Variants in NEBL observed in about 807,000 individuals in gnomAD.
The protein encoded by NEBL is LIM and SH3 protein 2.
NEBL carries 122 observed loss-of-function variants against 140.2 expected under a neutral mutation model. That is an observed-to-expected ratio of 0.87 (90% confidence interval 0.75 to 1.01). NEBL has a LOEUF of 1.01. Ranked by LOEUF, NEBL falls within the 50% of genes least tolerant of loss-of-function variation. The probability of loss-of-function intolerance (pLI) is 0.00; values close to 1 mark genes in which losing one functional copy is unlikely to be tolerated. For missense variants in NEBL, 1,365 were observed against 1,231.3 expected (o/e 1.11, Z -1.62); for synonymous variants, 436 against 398.9 (o/e 1.09, Z -1.11).
chr10:21,251,833 G>A (rs895794251), intron 1 of NEBL, among the ~76,000 whole-genome samples: 22 of 152,158 alleles, frequency 1.4e-4, no homozygotes, highest in Admixed American at 1.1e-3. Context: ...CAAGAACTGT[G>A]AGGAATAAAT....
rs1843304810 is a variant in NEBL at position 20,858,330 on chromosome 10, T to C, written c.813A>G (p.Lys271=). 2 of 1,598,298 alleles carry C rather than the reference T, an allele frequency of 1.3e-6. No individual in the cohort carries two copies. The highest frequency in any genetic ancestry group is 1.1e-5 in the South Asian group (1 of 90,746). ...CTGGATCATGCATATTTTGAATGTC[T>C]TTCTTGTACTTCACCTATGAAAATA... ...ATLASNVKYK[K]DIQNMHDPVS... is the part of the protein sequence containing the mutation. Residue 271 remains lysine (K), a synonymous_variant, in exon 9 of 28, where the codon AAA becomes AAG. Coordinates refer to ENST00000377122, the MANE Select transcript of NEBL (RefSeq NM_006393.3).
chr10:21,045,206 G>A (rs1355648658), intron 2 of NEBL, among the ~76,000 whole-genome samples: 1 of 152,116 alleles, frequency 6.6e-6, no homozygotes, highest in Non-Finnish European at 1.5e-5. Flanking sequence ...TGAATTGTAG[G>A]AAATACTAAA....
At chr10:21,158,634 G>A (rs955014525) in intron 2 of NEBL, among the ~76,000 whole-genome samples, 1 of 152,088 alleles carries the variant, frequency 6.6e-6, no homozygotes, top group Non-Finnish European at 1.5e-5. Context: ...TCAGTTCCAG[G>A]ACCACATCTA....
At chr10:21,031,764 C>A (rs1233300650) in intron 2 of NEBL, among the ~76,000 whole-genome samples, 1 of 152,114 alleles carries the variant, frequency 6.6e-6, no homozygotes, top group African/African-American at 2.4e-5. Context: ...GACCTGAACC[C>A]CCAAAAGTCA....
At chr10:20,910,235 C>T (rs1024187053) in intron 4 of NEBL, among the ~76,000 whole-genome samples, 5 of 152,114 alleles carry the variant, frequency 3.3e-5, no homozygotes, top group African/African-American at 7.2e-5. Flanking sequence ...AAGGTTCATA[C>T]AAAAGCAGTA....
intron 1 of NEBL, among the ~76,000 whole-genome samples, chr10:21,288,820 G>GTGTATATA (rs1477748950): frequency 1.1e-4 from 4 of 35,024 alleles, no homozygotes; most frequent in Admixed American, 5.5e-4. Context: ...GTGTGTGTGT[G>GTGTATATA]TATATATATA....
chr10:20,996,734 G>T (rs75564309), intron 3 of NEBL, among the ~76,000 whole-genome samples: 5,799 of 152,236 alleles, frequency 0.038, 124 homozygotes, highest in Middle Eastern at 0.054. Flanking sequence ...CATATGGACT[G>T]CCTAAAAACA....
chr10:20,857,121 C>A (rs1588835009), intron 9 of NEBL, among the ~76,000 whole-genome samples: 1 of 151,958 alleles, frequency 6.6e-6, no homozygotes, highest in South Asian at 2.1e-4. Context: ...CCATGCCCAG[C>A]CAGAAAAAAA....
In NEBL at chr10:21,262,152, C is replaced by T. The variant is rs372933634; in HGVS notation, n.183-10324G>A. On this transcript the variant is annotated intron_variant and non_coding_transcript_variant, in intron 1 of 8. Transcript: ENST00000675702. ...GGCTTAGCTGGCAAATTGCGAGGGC[C>T]TCGATAGGAGATTCAAAACTCAACA... 5.9e-4 allele frequency among the ~76,000 whole-genome samples: 90 copies of T among 152,260 alleles called. 1 individual carries two copies. The highest frequency in any genetic ancestry group is 2.1e-3 in the African/African-American group (88 of 41,548).
At chr10:21,242,433 C>T (rs529936684) in intron 3 of NEBL, among the ~76,000 whole-genome samples, 4 of 152,108 alleles carry the variant, frequency 2.6e-5, no homozygotes, top group Middle Eastern at 3.4e-3. Context: ...TACACGGACA[C>T]AAAGAAGGGA....
intron 2 of NEBL, among the ~76,000 whole-genome samples, chr10:21,031,932 A>G (rs1833816353): frequency 6.6e-6 from 1 of 152,260 alleles, no homozygotes; most frequent in Non-Finnish European, 1.5e-5. Flanking sequence ...AAAGCAAAAC[A>G]GCCTATTATA....
At chr10:21,043,449 T>C (rs1196872839) in intron 2 of NEBL, among the ~76,000 whole-genome samples, 2 of 152,214 alleles carry the variant, frequency 1.3e-5, no homozygotes, top group African/African-American at 4.8e-5. Context: ...AATGCTAAAC[T>C]TTCTCATTTA....
intron 4 of NEBL, among the ~76,000 whole-genome samples, chr10:20,953,285 C>T (rs1835593972): frequency 6.6e-6 from 1 of 152,158 alleles, no homozygotes; most frequent in South Asian, 2.1e-4. Context: ...CTCTCTTGCT[C>T]TCCCTCTCTC....
rs878971811 is a variant in NEBL at position 20,840,835 on chromosome 10, T to G, written c.1242A>C (p.Lys414Asn). Residue 414 changes from lysine (K) to asparagine (N), a missense_variant, in exon 13 of 28, where the codon AAA becomes AAC. Transcript: ENST00000377122. ...TNLLREKEYK[K>N]DLENEIKGKG... ...TCCCTTTTATCTCATTTTCCAAATC[T>G]TTTTTATATTCTTTCTATGAGACAA... 6.4e-7 allele frequency: 1 copy of G among 1,571,354 alleles called. No individual in the cohort carries two copies. The highest frequency in any genetic ancestry group is 8.7e-7 in the Non-Finnish European group (1 of 1,143,172).
intron 21 of NEBL, 180 bp from the exon 22 acceptor site, chr10:20,815,897 T>C: frequency 2.0e-5 from 12 of 594,708 alleles, no homozygotes; most frequent in Non-Finnish European, 3.3e-5. Flanking sequence ...GCCTCCCAGG[T>C]AGCTGGGATT....
intron 5 of NEBL, among the ~76,000 whole-genome samples, chr10:20,878,478 T>G (rs1845716822): frequency 6.6e-6 from 1 of 152,216 alleles, no homozygotes; most frequent in Non-Finnish European, 1.5e-5. Context: ...GGCTGAACTT[T>G]TACAGGAGAC....
chr10:21,226,681 A>G (rs1023078634), intron 3 of NEBL, among the ~76,000 whole-genome samples: 1 of 152,080 alleles, frequency 6.6e-6, no homozygotes, highest in African/African-American at 2.4e-5. Context: ...AAATCCCACA[A>G]TCACTTTACT....
At chr10:21,188,472 A>T (rs1841513790) in intron 3 of NEBL, among the ~76,000 whole-genome samples, 1 of 152,188 alleles carries the variant, frequency 6.6e-6, no homozygotes, top group African/African-American at 2.4e-5. Context: ...TACTAATTAT[A>T]AGTCTGATTT....
intron 3 of NEBL, chr10:21,217,744 A>T (rs1358311680): frequency 3.3e-5 from 5 of 152,244 alleles, no homozygotes; most frequent in Admixed American, 1.3e-4. Flanking sequence ...GCCACAAATG[A>T]AATTTTCATC....
Sources: allele counts gnomAD v4.1 joint callset (sites outside exome capture counted in the v4.1 genomes callset), GRCh38; gene constraint gnomAD v4.1.1; transcripts MANE v1.5; gene names NCBI Gene and HGNC (gene_info 2026-07-23, HGNC 2026-07-21).